Variants in LRRC4C observed in about 807,000 individuals in gnomAD.
LRRC4C encodes the protein leucine-rich repeat-containing protein 4C.
A neutral mutation model predicts 33.6 loss-of-function variants in LRRC4C; 5 were observed. That is an observed-to-expected ratio of 0.15 (90% CI 0.08 to 0.31). The LOEUF is 0.31. Ranked by LOEUF, LRRC4C falls within the 10% of genes least tolerant of loss-of-function variation. LRRC4C has a pLI of 1.00. For missense variants in LRRC4C, 560 were observed against 796.7 expected, an observed-to-expected ratio of 0.70 and a Z score of 3.58; for synonymous variants, 329 against 302.0, an observed-to-expected ratio of 1.09 and a Z score of -0.93.
chr11:40,334,529 C>G (rs1379251859), intron 3 of LRRC4C, among the ~76,000 whole-genome samples: 1 of 152,146 alleles, frequency 6.6e-6, no homozygotes, highest in African/African-American at 2.4e-5. Flanking sequence ...CCTTCTATCT[C>G]ATTAGGTGTG....
intron 1 of LRRC4C, among the ~76,000 whole-genome samples, chr11:41,336,494 T>C (rs1315270660): frequency 2.0e-5 from 3 of 152,032 alleles, no homozygotes; most frequent in South Asian, 2.1e-4. Context: ...TCAAGTATAG[T>C]AGAAAGAAGC....
At chr11:40,340,118 G>A (rs960643949) in intron 3 of LRRC4C, among the ~76,000 whole-genome samples, 1 of 152,024 alleles carries the variant, frequency 6.6e-6, no homozygotes, top group Admixed American at 6.6e-5. Flanking sequence ...CTAAGTAACT[G>A]TCTTCTTTAT....
intron 2 of LRRC4C, among the ~76,000 whole-genome samples, chr11:40,873,090 A>G (rs1474265468): frequency 1.3e-5 from 2 of 152,190 alleles, no homozygotes; most frequent in African/African-American, 4.8e-5. Flanking sequence ...CAGCCTGGTG[A>G]AGTCCTCATG....
At chr11:40,974,212 C>T (rs1358929933) in intron 1 of LRRC4C, among the ~76,000 whole-genome samples, 1 of 152,138 alleles carries the variant, frequency 6.6e-6, no homozygotes, top group African/African-American at 2.4e-5. Context: ...TAATTATTAA[C>T]ATTTGACGTG....
chr11:40,305,475 T>G (rs994034542), intron 4 of LRRC4C, among the ~76,000 whole-genome samples: 3 of 152,182 alleles, frequency 2.0e-5, no homozygotes, highest in Non-Finnish European at 4.4e-5. Context: ...AACTGCATAA[T>G]ATTGATAAGA....
Position 40,458,615 on chromosome 11 carries a change from G to A in LRRC4C, c.-269-138894C>T, listed in dbSNP as rs145044882. On this transcript the variant is annotated intron_variant, in intron 3 of 6. Coordinates refer to ENST00000528697, the MANE Select transcript of LRRC4C (RefSeq NM_001258419.2). ...GTCTTTGGTTTTCCCATCATTCTCA[G>A]GTTAGTATTTGATGGGGAACTTGAG... Among the ~76,000 whole-genome samples, 57 of 152,130 alleles carry A rather than the reference G, an allele frequency of 3.7e-4. 2 individuals carry two copies. Among genetic ancestry groups the A allele is most frequent in the African/African-American group, 1.2e-3 (51 of 41,526 alleles).
At chr11:41,190,748 G>A (rs952545986) in intron 1 of LRRC4C, among the ~76,000 whole-genome samples, 10 of 152,280 alleles carry the variant, frequency 6.6e-5, no homozygotes, top group East Asian at 3.9e-4. Context: ...TAGTTTGGCC[G>A]TAGTTTATTT....
At chr11:40,238,844 A>AT (rs1418070514) in intron 5 of LRRC4C, among the ~76,000 whole-genome samples, 1 of 152,128 alleles carries the variant, frequency 6.6e-6, no homozygotes, top group Non-Finnish European at 1.5e-5. Context: ...ATAAAAGGTG[A>AT]TTTTCCCTCC....
intron 2 of LRRC4C, among the ~76,000 whole-genome samples, chr11:40,919,268 A>G (rs928679481): frequency 7.2e-5 from 11 of 152,192 alleles, no homozygotes; most frequent in African/African-American, 2.7e-4. Flanking sequence ...TTATAGATCC[A>G]GGGGCTAATC....
intron 1 of LRRC4C, among the ~76,000 whole-genome samples, chr11:41,039,942 C>A (rs1857327975): frequency 1.3e-5 from 2 of 152,002 alleles, no homozygotes; most frequent in South Asian, 4.2e-4. Flanking sequence ...GAGATGGAGA[C>A]TATCCTGGCT....
intron 1 of LRRC4C, among the ~76,000 whole-genome samples, chr11:41,116,292 A>G (rs1419649660): frequency 1.3e-5 from 2 of 152,132 alleles, no homozygotes; most frequent in African/African-American, 4.8e-5. Context: ...TATAAAATTG[A>G]ATCATAAAAT....
At chr11:40,634,847 G>A (rs890704253) in intron 3 of LRRC4C, among the ~76,000 whole-genome samples, 5 of 151,998 alleles carry the variant, frequency 3.3e-5, no homozygotes, top group East Asian at 3.9e-4. Flanking sequence ...CTATGATAGC[G>A]CCATTGTTCT....
intron 3 of LRRC4C, among the ~76,000 whole-genome samples, chr11:40,350,635 A>C (rs1030577798): frequency 6.6e-6 from 1 of 152,016 alleles, no homozygotes. Flanking sequence ...GAAGAGTGCC[A>C]TTGGTATTTT....
At chr11:40,994,919 A>T (rs1187067121) in intron 1 of LRRC4C, among the ~76,000 whole-genome samples, 1 of 152,006 alleles carries the variant, frequency 6.6e-6, no homozygotes, top group Non-Finnish European at 1.5e-5. Context: ...AATGTAATCA[A>T]CAGGACCAGA....
At chr11:40,267,485 G>A (rs1263268671) in intron 4 of LRRC4C, among the ~76,000 whole-genome samples, 1 of 152,094 alleles carries the variant, frequency 6.6e-6, no homozygotes, top group Non-Finnish European at 1.5e-5. Flanking sequence ...CTGAGTAGCT[G>A]GGACTACAGG....
chr11:40,650,645 A>T (rs1343013178), intron 2 of LRRC4C, among the ~76,000 whole-genome samples: 1 of 152,104 alleles, frequency 6.6e-6, no homozygotes, highest in African/African-American at 2.4e-5. Context: ...TTTTTTCTCC[A>T]TTACACTTGT....
intron 3 of LRRC4C, among the ~76,000 whole-genome samples, chr11:40,515,040 A>G (rs548323055): frequency 9.9e-5 from 15 of 152,204 alleles, no homozygotes; most frequent in Admixed American, 2.6e-4. Context: ...AAAATGATTC[A>G]ATTTTTATGG....
intron 2 of LRRC4C, among the ~76,000 whole-genome samples, chr11:40,881,296 T>C (rs991680308): frequency 1.3e-5 from 2 of 152,154 alleles, no homozygotes; most frequent in Admixed American, 6.5e-5. Flanking sequence ...TCCAACAGCA[T>C]ACATTTTTTG....
At chr11:41,376,767 T>C (rs1952950674) in intron 1 of LRRC4C, among the ~76,000 whole-genome samples, 1 of 152,028 alleles carries the variant, frequency 6.6e-6, no homozygotes, top group Admixed American at 6.6e-5. Flanking sequence ...TATAAACACA[T>C]TGATAAAAAT....
Sources: allele counts gnomAD v4.1 joint callset (sites outside exome capture counted in the v4.1 genomes callset), GRCh38; gene constraint gnomAD v4.1.1; transcripts MANE v1.5; gene names NCBI Gene and HGNC (gene_info 2026-07-23, HGNC 2026-07-21).